Variants in YWHAB observed in about 807,000 individuals in gnomAD.
YWHAB encodes 14-3-3 protein beta/alpha.
YWHAB carries 2 observed loss-of-function variants against 28.5 expected under a neutral mutation model. The ratio of observed to expected loss-of-function variants is 0.07; its 90% confidence interval spans 0.03 to 0.22. The LOEUF (loss-of-function observed/expected upper bound fraction) is 0.22, where lower values mean the gene tolerates loss of function less well. YWHAB is among the 10% of genes least tolerant of loss of function. YWHAB has a pLI of 1.00. For synonymous variants in YWHAB, 103 were observed against 104.7 expected, an observed-to-expected ratio of 0.98 and a Z score of 0.10; for missense variants, 148 against 297.1, an observed-to-expected ratio of 0.50 and a Z score of 3.69.
In YWHAB at chr20:44,905,048, C is replaced by T. The variant is rs1218297734; in HGVS notation, c.505C>T (p.Arg169Cys). 1.9e-6 allele frequency: 3 copies of T among 1,613,422 alleles called. No individual in the cohort carries two copies. The highest frequency in any genetic ancestry group is 1.3e-5 in the African/African-American group (1 of 74,910). ...KKEMQPTHPI[R>C]LGLALNFSVF... ...AGAAATGCAGCCTACACACCCAATTCGTCTTGGTCTGGCACTAAATTTCTC... is the reference window on the plus strand; with the variant it reads ...AGAAATGCAGCCTACACACCCAATTTGTCTTGGTCTGGCACTAAATTTCTC... Residue 169 changes from arginine to cysteine, a missense_variant, in exon 4 of 6, where the codon CGT becomes TGT. Physicochemically the swap from Arg to Cys is radical, Grantham distance 180. Around this residue, in one of 2 missense-constraint regions of YWHAB, gnomAD observed 38 missense variants for 119.2 expected, o/e 0.32. Coordinates refer to ENST00000353703, the MANE Select transcript of YWHAB (RefSeq NM_139323.4).
chr20:44,906,034 C>T lies in YWHAB; in HGVS notation c.622C>T (p.Leu208=), dbSNP rs367989746. The part of the protein sequence containing the change: ...FDEAIAELDT[L]NEESYKDSTL... ...TGAAGCAATTGCTGAATTGGATACG[C>T]TGAATGAAGAGTCTTATAAAGACAG... The change falls in exon 5 of 6, where the codon CTG becomes TTG. Residue 208 remains leucine, a synonymous_variant. Coordinates refer to ENST00000353703, the MANE Select transcript of YWHAB (RefSeq NM_139323.4). 2 of 1,613,650 alleles carry T rather than the reference C, an allele frequency of 1.2e-6. No homozygotes were observed. Among genetic ancestry groups the T allele is most frequent in the Non-Finnish European group, 1.7e-6 (2 of 1,179,816 alleles).
intron 1 of YWHAB, among the ~76,000 whole-genome samples, chr20:44,890,606 G>A (rs2066555353): frequency 6.6e-6 from 1 of 151,468 alleles, no homozygotes; most frequent in Non-Finnish European, 1.5e-5. Context: ...TGAAGCCCGG[G>A]TTCAAGCAAT....
chr20:44,906,335 G>A (rs1370006810), intron 5 of YWHAB, 47 bp from the exon 6 acceptor site: 1 of 1,596,628 alleles, frequency 6.3e-7, no homozygotes, highest in African/African-American at 1.3e-5. Flanking sequence ...ACTTACCTAG[G>A]GAACTTTTAG....
chr20:44,891,101 C>T (rs2066558820), intron 1 of YWHAB, among the ~76,000 whole-genome samples: 2 of 151,946 alleles, frequency 1.3e-5, no homozygotes, highest in Admixed American at 1.3e-4. Flanking sequence ...CTTACAGGAA[C>T]CCTAGTAAGT....
chr20:44,904,361 A>AAAT (rs2066644398), intron 3 of YWHAB, among the ~76,000 whole-genome samples: 3 of 152,186 alleles, frequency 2.0e-5, no homozygotes, highest in African/African-American at 7.2e-5. Context: ...TATCTTGAGT[A>AAAT]TTATTTGTTA....
rs1431207124 is a variant in YWHAB, at chr20:44,907,603, C to T, written c.*1165C>T. On this transcript the variant is annotated 3_prime_UTR_variant, in exon 6 of 6. Coordinates refer to ENST00000353703, the MANE Select transcript of YWHAB (RefSeq NM_139323.4). ...TCCCACCATCCTTTTTGACTGTTGA[C>T]CTTGGTTTTCTCTTCTAAGTTTCTG... 3.3e-5 allele frequency: 5 copies of T among 152,144 alleles called. No homozygotes were observed. Among genetic ancestry groups the T allele is most frequent in the African/African-American group, 4.8e-5 (2 of 41,410 alleles). 9.4% of individuals were successfully genotyped at this position (152,144 alleles called of 1,614,324 possible). A position where few individuals can be genotyped will look rare whatever the true frequency, so the allele number is the denominator to read the frequency against.
intron 1 of YWHAB, among the ~76,000 whole-genome samples, chr20:44,899,028 C>T (rs562606940): frequency 1.3e-5 from 2 of 152,268 alleles, no homozygotes; most frequent in South Asian, 4.1e-4. Flanking sequence ...AGGAGAATCG[C>T]TTGAACCCAG....
chr20:44,906,109 TC>T lies in YWHAB; in HGVS notation c.684+15del. 1.3e-6 allele frequency: 2 copies of T among 1,593,510 alleles called. No homozygotes were observed. Among genetic ancestry groups the T allele is most frequent in the Non-Finnish European group, 1.7e-6 (2 of 1,161,926 alleles). On this transcript the variant is annotated intron_variant, in intron 5 of 5. Coordinates refer to ENST00000353703, the MANE Select transcript of YWHAB (RefSeq NM_139323.4). ...GGACAATCTCACTGTAAGTACTACT[TC>T]CACAGGGTTTATAGTCTCTTTCCTA...
intron 1 of YWHAB, among the ~76,000 whole-genome samples, chr20:44,895,200 G>C (rs2145529341): frequency 6.6e-6 from 1 of 152,334 alleles, no homozygotes; most frequent in Non-Finnish European, 1.5e-5. Context: ...TAGGCAGGCA[G>C]TAAATAGGAG....
chr20:44,904,118 T>G lies in YWHAB; in HGVS notation c.424+2T>G. The G allele has an allele frequency of 6.2e-7, 1 of 1,612,124 alleles. No individual in the cohort carries two copies. Among genetic ancestry groups the G allele is most frequent in the Non-Finnish European group, 8.5e-7 (1 of 1,179,406 alleles). On this transcript the variant is annotated splice_donor_variant, in intron 3 of 5. Transcript: ENST00000353703. LOFTEE classifies it high-confidence loss of function. Reference sequence around the variant, plus strand: ...TGGCATCTGGAGACAACAAACAAAGTAAGTAATATCTTTAAAAAGAAATTC... The same window carrying G: ...TGGCATCTGGAGACAACAAACAAAGGAAGTAATATCTTTAAAAAGAAATTC...
chr20:44,900,455 C>G (rs1463349227), intron 1 of YWHAB, among the ~76,000 whole-genome samples: 1 of 152,214 alleles, frequency 6.6e-6, no homozygotes, highest in Non-Finnish European at 1.5e-5. Context: ...AGTTTATGTT[C>G]TTCCTGTGCA....
intron 1 of YWHAB, among the ~76,000 whole-genome samples, chr20:44,894,191 G>A (rs2066581477): frequency 6.6e-6 from 1 of 152,182 alleles, no homozygotes; most frequent in Admixed American, 6.5e-5. Context: ...AAGCACGTCA[G>A]TCTCTTCCTG....
At position 44,907,088 on chromosome 20, in the gene YWHAB, C is replaced by T. The variant is rs2066662196; in HGVS notation, c.*650C>T. 6.6e-6 allele frequency: 1 copy of T among 152,276 alleles called. No homozygotes were observed. The highest frequency in any genetic ancestry group is 6.5e-5 in the Admixed American group (1 of 15,284). 9.4% of individuals were successfully genotyped at this position (152,276 alleles called of 1,614,324 possible). On this transcript the variant is annotated 3_prime_UTR_variant, in exon 6 of 6. Coordinates refer to ENST00000353703, the MANE Select transcript of YWHAB (RefSeq NM_139323.4). ...TTTGTGGCAGATAACTGGCTTATGA[C>T]ACCTTGAAAAGTTCAAGTGCTCATA...
chr20:44,899,258 C>G (rs993632386), intron 1 of YWHAB, among the ~76,000 whole-genome samples: 2 of 152,228 alleles, frequency 1.3e-5, no homozygotes, highest in Non-Finnish European at 2.9e-5. Flanking sequence ...GCGGGCAGAT[C>G]ACCTGAGTTT....
chr20:44,897,201 C>T (rs2066600986), intron 1 of YWHAB, among the ~76,000 whole-genome samples: 1 of 152,106 alleles, frequency 6.6e-6, no homozygotes, highest in African/African-American at 2.4e-5. Context: ...AGGGGGATAG[C>T]TTAATTTTGG....
rs764102134 is a variant in YWHAB, at chr20:44,901,485, C to A, written c.-3-46C>A. The A allele has an allele frequency of 5.9e-6, 9 of 1,529,368 alleles. No homozygotes were observed. In the East Asian group the frequency reaches 2.1e-4, roughly 35 times the overall value. 94.7% of individuals were successfully genotyped at this position (1,529,368 alleles called of 1,614,324 possible). A position where few individuals can be genotyped will look rare whatever the true frequency, so the allele number is the denominator to read the frequency against. On this transcript the variant is annotated intron_variant, in intron 1 of 5. Coordinates refer to ENST00000353703, the MANE Select transcript of YWHAB (RefSeq NM_139323.4). ...AGATTCACACACGTTTCCTAGGCCC[C>A]GAAACCTGACATTTGCTCTTTCTTT...
At position 44,906,016 on chromosome 20, in the gene YWHAB, A is replaced by G. The variant is rs1230801307; in HGVS notation, c.604A>G (p.Ile202Val). 3.1e-6 allele frequency: 5 copies of G among 1,613,234 alleles called. No homozygotes were observed. Among genetic ancestry groups the G allele is most frequent in the African/African-American group, 1.3e-5 (1 of 75,018 alleles). The change falls in exon 5 of 6, where the codon ATT becomes GTT. Residue 202 changes from isoleucine (I) to valine (V), a missense_variant. Around this residue, in one of 2 missense-constraint regions of YWHAB, gnomAD observed 38 missense variants for 119.2 expected, o/e 0.32. Transcript: ENST00000353703. Reference sequence around the variant, plus strand: ...TTTGTTTTAGGCATTTGATGAAGCAATTGCTGAATTGGATACGCTGAATGA... The same window carrying G: ...TTTGTTTTAGGCATTTGATGAAGCAGTTGCTGAATTGGATACGCTGAATGA... ...SLAKTAFDEA[I>V]AELDTLNEES... is the part of the protein sequence containing the mutation.
Position 44,901,702 on chromosome 20 carries a change from C to T in YWHAB, c.169C>T (p.Arg57Cys). 1.2e-6 allele frequency: 2 copies of T among 1,613,952 alleles called. No individual in the cohort carries two copies. Among genetic ancestry groups the T allele is most frequent in the Non-Finnish European group, 1.7e-6 (2 of 1,179,942 alleles). The change falls in exon 2 of 6, where the codon CGC becomes TGC. Residue 57 changes from arginine to cysteine, a missense_variant. This residue lies in a region of YWHAB where 110 missense variants were observed against 177.9 expected (regional missense o/e 0.62). Coordinates refer to ENST00000353703, the MANE Select transcript of YWHAB (RefSeq NM_139323.4). Reference protein sequence around the residue: ...SVAYKNVVGARRSSWRVISSI... With the variant: ...SVAYKNVVGACRSSWRVISSI... The stretch of plus-strand genomic sequence containing the variant: ...TGCCTACAAGAATGTGGTAGGCGCC[C>T]GCCGCTCTTCCTGGCGTGTCATCTC...
At chr20:44,901,290 T>C (rs1232028796) in intron 1 of YWHAB, among the ~76,000 whole-genome samples, 3 of 152,174 alleles carry the variant, frequency 2.0e-5, no homozygotes, top group Admixed American at 1.3e-4. Context: ...GTTGTTGTTA[T>C]GAACATACCT....
Sources: gnomAD v4.1 joint callset for allele counts (sites outside exome capture counted in the v4.1 genomes callset) on GRCh38, gnomAD v4.1.1 for gene constraint, gnomAD v4.1.1 regional missense constraint, MANE v1.5 for transcripts, NCBI Gene and HGNC (gene_info 2026-07-23, HGNC 2026-07-21) for gene names.